DOK5: variants seen among roughly 807,000 people sequenced by gnomAD.
DOK5 encodes the protein docking protein 5, also known as downstream of tyrosine kinase 5.
Under a neutral mutation model 43.3 loss-of-function variants are expected in DOK5, and 27 were observed. The observed-to-expected ratio is 0.62, with a 90% CI of 0.46 to 0.86. DOK5 has a LOEUF of 0.86. DOK5 is among the 40% of genes least tolerant of loss of function. The probability of loss-of-function intolerance (pLI) is 0.00; values close to 1 mark genes in which losing one functional copy is unlikely to be tolerated. For synonymous variants in DOK5, 146 were observed against 140.1 expected, an observed-to-expected ratio of 1.04 and a Z score of -0.30; for missense variants, 373 against 392.9, an observed-to-expected ratio of 0.95 and a Z score of 0.43.
At chr20:54,568,241 G>C (rs1051229636) in intron 2 of DOK5, among the ~76,000 whole-genome samples, 3 of 152,216 alleles carry the variant, frequency 2.0e-5, no homozygotes, top group African/African-American at 7.2e-5. Context: ...TACTTATGAA[G>C]TGAATTGATT....
At chr20:54,645,086 C>A (rs1288591421) in intron 7 of DOK5, among the ~76,000 whole-genome samples, 2 of 141,350 alleles carry the variant, frequency 1.4e-5, no homozygotes, top group Non-Finnish European at 3.0e-5. Context: ...CGGCTCACTG[C>A]AAGTTCCGCG....
intron 1 of DOK5, among the ~76,000 whole-genome samples, chr20:54,484,233 G>T (rs1322360213): frequency 6.6e-6 from 1 of 152,042 alleles, no homozygotes; most frequent in African/African-American, 2.4e-5. Context: ...ACAAAAATTA[G>T]CTGGGCATGG....
chr20:54,536,268 G>C (rs1600686966), intron 1 of DOK5, among the ~76,000 whole-genome samples: 1 of 152,178 alleles, frequency 6.6e-6, no homozygotes, highest in East Asian at 1.9e-4. Context: ...ATGGTAGACT[G>C]TGAGTGCATC....
At chr20:54,607,352 T>C (rs1199113296) in intron 5 of DOK5, among the ~76,000 whole-genome samples, 1 of 151,972 alleles carries the variant, frequency 6.6e-6, no homozygotes, top group Non-Finnish European at 1.5e-5. Context: ...CTGCCTGAAC[T>C]CTAATGGAAT....
At chr20:54,629,370 G>T (rs1328662690) in intron 6 of DOK5, among the ~76,000 whole-genome samples, 1 of 152,136 alleles carries the variant, frequency 6.6e-6, no homozygotes, top group African/African-American at 2.4e-5. Context: ...AAAGCACTTG[G>T]ATTAAAAGAT....
intron 1 of DOK5, among the ~76,000 whole-genome samples, chr20:54,527,411 C>T (rs979498437): frequency 2.6e-5 from 4 of 152,100 alleles, no homozygotes; most frequent in African/African-American, 9.7e-5. Context: ...AGGAAACAGC[C>T]CTCAGCTCGC....
At chr20:54,642,447 T>TA (rs1027811882) in intron 6 of DOK5, among the ~76,000 whole-genome samples, 12 of 147,750 alleles carry the variant, frequency 8.1e-5, no homozygotes, top group African/African-American at 3.0e-4. Context: ...CTGACACCTG[T>TA]AATCCTAACA....
At chr20:54,591,988 A>G (rs7272626) in intron 5 of DOK5, among the ~76,000 whole-genome samples, 183 bp downstream of exon 5, 1,926 of 152,320 alleles carry the variant, frequency 0.013, 45 homozygotes, top group African/African-American at 0.042. Context: ...TATATACTCA[A>G]CATGGCTTTT....
chr20:54,607,709 C>T (rs1294238178), intron 5 of DOK5, among the ~76,000 whole-genome samples: 1 of 151,598 alleles, frequency 6.6e-6, no homozygotes, highest in African/African-American at 2.4e-5. Context: ...ATGGTGAAAC[C>T]CCACCTCTAC....
chr20:54,516,955 C>A (rs898829982), intron 1 of DOK5, among the ~76,000 whole-genome samples: 2 of 152,116 alleles, frequency 1.3e-5, no homozygotes, highest in Non-Finnish European at 1.5e-5. Flanking sequence ...GCTCAGAGTC[C>A]CTCGTGTTAC....
chr20:54,599,769 T>C (rs1452673773), intron 5 of DOK5, among the ~76,000 whole-genome samples: 1 of 152,236 alleles, frequency 6.6e-6, no homozygotes, highest in Non-Finnish European at 1.5e-5. Context: ...TTTGGAATTC[T>C]AGAAAGGGCT....
intron 5 of DOK5, among the ~76,000 whole-genome samples, chr20:54,598,599 G>A (rs1796523074): frequency 6.6e-6 from 1 of 152,148 alleles, no homozygotes; most frequent in African/African-American, 2.4e-5. Flanking sequence ...TTAATACCCT[G>A]GGTTTCGCAC....
chr20:54,607,881 T>TAAAACAAAACAAAACAAAAC (rs146059505), intron 5 of DOK5, among the ~76,000 whole-genome samples: 1 of 122,480 alleles, frequency 8.2e-6, no homozygotes, highest in Non-Finnish European at 1.5e-5. Flanking sequence ...AGACTCCATC[T>TAAAACAAAACAAAACAAAAC]AAAACAAAAC....
At chr20:54,556,945 C>T (rs1186015211) in intron 2 of DOK5, among the ~76,000 whole-genome samples, 1 of 152,110 alleles carries the variant, frequency 6.6e-6, no homozygotes, top group Non-Finnish European at 1.5e-5. Flanking sequence ...TACAGATAGA[C>T]CTATACATAC....
At chr20:54,568,786 CG>C (rs1291321031) in intron 2 of DOK5, among the ~76,000 whole-genome samples, 1 of 151,582 alleles carries the variant, frequency 6.6e-6, no homozygotes, top group Non-Finnish European at 1.5e-5. Context: ...AAAAATTAGC[CG>C]GGTGTGGTGG....
chr20:54,588,893 T>G, intron 4 of DOK5, 87 bp downstream of exon 4: 1 of 1,432,400 alleles, frequency 7.0e-7, no homozygotes, highest in Non-Finnish European at 9.5e-7. Flanking sequence ...TTATGTAAAG[T>G]TTTTGGGGTA....
chr20:54,626,768 C>G (rs1987143379), intron 6 of DOK5, among the ~76,000 whole-genome samples: 1 of 152,182 alleles, frequency 6.6e-6, no homozygotes. Flanking sequence ...CACGACTAAC[C>G]CCTAGTTTTT....
chr20:54,624,762 T>G (rs766894952), intron 6 of DOK5, among the ~76,000 whole-genome samples: 23 of 152,208 alleles, frequency 1.5e-4, no homozygotes, highest in Non-Finnish European at 3.2e-4. Context: ...CCGAATAAAT[T>G]GATGCAAATC....
intron 1 of DOK5, among the ~76,000 whole-genome samples, chr20:54,518,450 G>A (rs1336727887): frequency 1.3e-5 from 2 of 152,132 alleles, no homozygotes; most frequent in Admixed American, 6.5e-5. Context: ...CAAGGGACAT[G>A]AACTCATCCT....
Sources: gnomAD v4.1 joint callset for allele counts (sites outside exome capture counted in the v4.1 genomes callset) on GRCh38, gnomAD v4.1.1 for gene constraint, MANE v1.5 for transcripts, NCBI Gene and HGNC (gene_info 2026-07-23, HGNC 2026-07-21) for gene names.